Variants in SDHC observed in about 807,000 individuals in gnomAD.
The protein encoded by SDHC is succinate dehydrogenase complex subunit C, also known as succinate dehydrogenase cytochrome b560 subunit, mitochondrial.
In SDHC, 11 loss-of-function variants were observed where a neutral mutation model predicts 22.6. The observed-to-expected ratio is 0.49, with a 90% CI of 0.31 to 0.81. The LOEUF (loss-of-function observed/expected upper bound fraction) is 0.81, where lower values mean the gene tolerates loss of function less well. SDHC is among the 30% of genes least tolerant of loss of function. The probability of loss-of-function intolerance (pLI) is 0.05; values close to 1 mark genes in which losing one functional copy is unlikely to be tolerated. For synonymous variants in SDHC, 80 were observed against 77.8 expected, an observed-to-expected ratio of 1.03 and a Z score of -0.15; for missense variants, 160 against 212.0, an observed-to-expected ratio of 0.75 and a Z score of 1.52.
chr1:161,332,924 T>C (rs1671334663), intron 3 of SDHC, among the ~76,000 whole-genome samples: 1 of 152,198 alleles, frequency 6.6e-6, no homozygotes, highest in Non-Finnish European at 1.5e-5. Context: ...TGAGCCACCA[T>C]GCCCAGCCAA....
intron 5 of SDHC, among the ~76,000 whole-genome samples, chr1:161,359,771 CAGTT>C (rs145551814): frequency 0.013 from 1,926 of 152,190 alleles, 42 homozygotes; most frequent in African/African-American, 0.042. Flanking sequence ...TGACAGTCTG[CAGTT>C]TTTGGCCTCT....
chr1:161,326,990 C>T (rs1009038069), intron 2 of SDHC, among the ~76,000 whole-genome samples: 1 of 152,064 alleles, frequency 6.6e-6, no homozygotes, highest in Non-Finnish European at 1.5e-5. Flanking sequence ...ATGATGCAAT[C>T]ACAGCTCACT....
At chr1:161,340,836 A>G (rs1240028266) in intron 4 of SDHC, among the ~76,000 whole-genome samples, 181 bp downstream of exon 4, 1 of 151,954 alleles carries the variant, frequency 6.6e-6, no homozygotes, top group Non-Finnish European at 1.5e-5. Context: ...CTGTGCTCAG[A>G]TTCTTTTCTT....
chr1:161,359,096 CAAA>C (rs1200754917), intron 5 of SDHC, among the ~76,000 whole-genome samples: 2 of 115,348 alleles, frequency 1.7e-5, no homozygotes, highest in African/African-American at 3.2e-5. Context: ...AACTCAGTCT[CAAA>C]AAAAAAAAAA....
rs4255403 is a variant in SDHC, at chr1:161,323,518, C to T, written c.21-96C>T. ...ATACTGTCATTGTTTTTATATCTTACTTTTAATCTATCCCTTCACCCCTAA... is the reference window on the plus strand; with the variant it reads ...ATACTGTCATTGTTTTTATATCTTATTTTTAATCTATCCCTTCACCCCTAA... On this transcript the variant is annotated intron_variant, in intron 1 of 5. Transcript: ENST00000367975. The T allele has an allele frequency of 0.11, 98,972 of 916,920 alleles. 10,218 individuals are homozygous for T. The highest frequency in any genetic ancestry group is 0.42 in the African/African-American group (25,696 of 60,842). The allele number at this position is 916,920 out of a possible 1,614,324, so 56.8% of individuals were successfully genotyped here.
At chr1:161,338,888 G>A (rs1297718495) in intron 3 of SDHC, among the ~76,000 whole-genome samples, 13 of 151,908 alleles carry the variant, frequency 8.6e-5, no homozygotes, top group Admixed American at 2.0e-4. Context: ...ACCCTCTGTC[G>A]CCCAGACTGG....
intron 2 of SDHC, 29 bp downstream of exon 2, chr1:161,323,699 T>TTA (rs766574560): frequency 1.3e-6 from 2 of 1,514,646 alleles, no homozygotes; most frequent in South Asian, 1.2e-5. Flanking sequence ...AGATTATTTA[T>TTA]TTATTTTTTT....
intron 4 of SDHC, among the ~76,000 whole-genome samples, chr1:161,353,058 G>A (rs1386181413): frequency 1.3e-5 from 2 of 152,202 alleles, no homozygotes; most frequent in Non-Finnish European, 2.9e-5. Context: ...GACTTATTTA[G>A]AGGCAGTCTT....
intron 5 of SDHC, among the ~76,000 whole-genome samples, chr1:161,358,198 A>C (rs1219031474): frequency 6.9e-6 from 1 of 144,998 alleles, no homozygotes; most frequent in African/African-American, 2.7e-5. Flanking sequence ...AACCACGGCC[A>C]GCTAATTTTT....
chr1:161,361,625 A>G (rs944559829), intron 5 of SDHC, among the ~76,000 whole-genome samples: 3 of 152,198 alleles, frequency 2.0e-5, no homozygotes, highest in Admixed American at 1.3e-4. Flanking sequence ...AGATCACGAG[A>G]TCAGGAGATC....
intron 4 of SDHC, among the ~76,000 whole-genome samples, chr1:161,352,967 A>G (rs2102361911): frequency 6.6e-6 from 1 of 152,004 alleles, no homozygotes; most frequent in South Asian, 2.1e-4. Flanking sequence ...ACAGAGCGAG[A>G]CTCCGTCTCA....
Position 161,328,417 on chromosome 1 carries a change from G to C in SDHC, c.99G>C (p.Thr33=). Reference sequence around the variant, plus strand: ...TTAGTGCTGTTCCTTTGGGAACCACGGCCAAAGAAGAGATGGAGCGGTTCT... The same window carrying C: ...TTAGTGCTGTTCCTTTGGGAACCACCGCCAAAGAAGAGATGGAGCGGTTCT... ...CIRNAVPLGT[T]AKEEMERFWN... is the part of the protein sequence containing the mutation. Residue 33 remains threonine, a synonymous_variant, in exon 3 of 6, where the codon ACG becomes ACC. Coordinates refer to ENST00000367975, the MANE Select transcript of SDHC (RefSeq NM_003001.5). 6.2e-7 allele frequency: 1 copy of C among 1,613,190 alleles called. No individual in the cohort carries two copies. The highest frequency in any genetic ancestry group is 8.5e-7 in the Non-Finnish European group (1 of 1,179,250).
chr1:161,344,132 C>A (rs60982690), intron 4 of SDHC, among the ~76,000 whole-genome samples: 18,552 of 150,128 alleles, frequency 0.12, 1,587 homozygotes, highest in African/African-American at 0.24. Flanking sequence ...TAAAAAAATA[C>A]AAAAAAAAAT....
In SDHC at chr1:161,323,698, AT is replaced by A. The variant is rs371604278; in HGVS notation, c.77+31del. The stretch of plus-strand genomic sequence containing the variant: ...AAGTTTCTAAGTCTGGAGATTATTT[AT>A]TTATTTTTTTTTTTGAGACGGAGTC... On this transcript the variant is annotated intron_variant, in intron 2 of 5. Transcript: ENST00000367975. The A allele has an allele frequency of 5.2e-4, 799 of 1,525,402 alleles. 2 individuals carry two copies. The highest frequency in any genetic ancestry group is 1.6e-3 in the Middle Eastern group (8 of 4,930). The allele number at this position is 1,525,402 out of a possible 1,614,324, so 94.5% of individuals were successfully genotyped here.
chr1:161,328,548 C>A, intron 3 of SDHC, 51 bp downstream of exon 3: 1 of 1,308,588 alleles, frequency 7.6e-7, no homozygotes, highest in South Asian at 1.2e-5. Context: ...GGTGAAAGTT[C>A]TGAAGGTTGA....
chr1:161,328,280 G>T, intron 2 of SDHC, 116 bp from the exon 3 acceptor site: 1 of 838,094 alleles, frequency 1.2e-6, no homozygotes, highest in Admixed American at 1.8e-5. Context: ...GAGATTACAG[G>T]CCTGAGCAAC....
At chr1:161,360,860 C>T (rs1235852914) in intron 5 of SDHC, among the ~76,000 whole-genome samples, 2 of 152,104 alleles carry the variant, frequency 1.3e-5, no homozygotes, top group Non-Finnish European at 2.9e-5. Context: ...TGCCTGTAAT[C>T]CCAGCACTTT....
chr1:161,354,921 G>C (rs979083783), intron 4 of SDHC, among the ~76,000 whole-genome samples: 1 of 152,094 alleles, frequency 6.6e-6, no homozygotes, highest in Admixed American at 6.6e-5. Flanking sequence ...TGTTGCCCAG[G>C]CTGGTCTTGA....
intron 2 of SDHC, 152 bp downstream of exon 2, chr1:161,323,822 A>T: frequency 1.8e-6 from 1 of 547,194 alleles, no homozygotes; most frequent in South Asian, 2.0e-5. Context: ...CAGCCTCCTG[A>T]GTAGCTGGGA....
Sources: allele counts gnomAD v4.1 joint callset (sites outside exome capture counted in the v4.1 genomes callset), GRCh38; gene constraint gnomAD v4.1.1; transcripts MANE v1.5; gene names NCBI Gene and HGNC (gene_info 2026-07-23, HGNC 2026-07-21).